Variants in ARID1A observed in about 807,000 individuals in gnomAD.
ARID1A encodes the protein AT-rich interaction domain 1A, also known as AT-rich interactive domain-containing protein 1A.
In ARID1A, 20 loss-of-function variants were observed where a neutral mutation model predicts 212.6. The ratio of observed to expected loss-of-function variants is 0.09; its 90% CI spans 0.07 to 0.14. The LOEUF (loss-of-function observed/expected upper bound fraction) is 0.14. Among genes scored for constraint, ARID1A ranks in the 10% least tolerant of loss-of-function variants. ARID1A has a pLI of 1.00. For synonymous variants in ARID1A, 1,376 were observed against 1,222.1 expected (o/e 1.13, Z -2.63); for missense variants, 2,587 against 3,059.0 (o/e 0.85, Z 3.64).
rs2081009141 is a variant in ARID1A, at chr1:26,763,245, G to A, written c.2692G>A (p.Ala898Thr). The A allele has an allele frequency of 6.2e-7, 1 of 1,612,620 alleles. No individual in the cohort carries two copies. The highest frequency in any genetic ancestry group is 1.1e-5 in the South Asian group (1 of 90,996). ...CATGAACCGGAAAACCCAAGAAACT[G>A]CTGTCGCCATGCATGTTGCTGCCAA... ...GGMNRKTQET[A>T]VAMHVAANSI... Residue 898 changes from alanine (A) to threonine (T), a missense_variant, in exon 8 of 20, where the codon GCT becomes ACT. Ala to Thr is a moderately conservative substitution (Grantham distance 58, BLOSUM62 0). Around this residue, in one of 11 missense-constraint regions of ARID1A, gnomAD observed 674 missense variants for 813.4 expected, o/e 0.83. Transcript: ENST00000324856.
intron 1 of ARID1A, among the ~76,000 whole-genome samples, chr1:26,722,173 G>A (rs2080571471): frequency 6.6e-6 from 1 of 152,196 alleles, no homozygotes; most frequent in South Asian, 2.1e-4. Flanking sequence ...AAAGGGGAAT[G>A]TGTCTGATCT....
intron 7 of ARID1A, 27 bp downstream of exon 7, chr1:26,762,346 G>C (rs767497591): frequency 5.0e-6 from 8 of 1,600,608 alleles, no homozygotes; most frequent in Non-Finnish European, 6.0e-6. Context: ...GTTAGGAGTA[G>C]ATACGGGTGA....
In ARID1A at chr1:26,762,296, A is replaced by G; in HGVS notation, c.2396A>G (p.Gln799Arg). 1 of 1,614,114 alleles carries G rather than the reference A, an allele frequency of 6.2e-7. No homozygotes were observed. Among genetic ancestry groups the G allele is most frequent in the Non-Finnish European group, 8.5e-7 (1 of 1,179,992 alleles). Reference sequence around the variant, plus strand: ...AACTCCATGGGGAGCTATGGTCCCCAGGGGGGTCAGTATGGCCCACAAGGT... The same window carrying G: ...AACTCCATGGGGAGCTATGGTCCCCGGGGGGGTCAGTATGGCCCACAAGGT... ...QQNSMGSYGP[Q>R]GGQYGPQGGY... The change falls in exon 7 of 20, where the codon CAG becomes CGG. Residue 799 changes from glutamine to arginine, a missense_variant. This residue lies in a region of ARID1A where 674 missense variants were observed against 813.4 expected (regional missense o/e 0.83). Coordinates refer to ENST00000324856, the MANE Select transcript of ARID1A (RefSeq NM_006015.6).
chr1:26,710,262 C>T (rs1445382423), intron 1 of ARID1A, among the ~76,000 whole-genome samples: 4 of 150,950 alleles, frequency 2.6e-5, no homozygotes, highest in Non-Finnish European at 4.4e-5. Flanking sequence ...GGTGAAACCC[C>T]GTCTCTATTA....
intron 4 of ARID1A, among the ~76,000 whole-genome samples, chr1:26,758,704 T>C (rs2080963706): frequency 6.6e-6 from 1 of 152,016 alleles, no homozygotes; most frequent in Non-Finnish European, 1.5e-5. Context: ...TAGCTCCAGG[T>C]ACTTTAGTCC....
chr1:26,749,009 CA>C (rs1228994902), intron 4 of ARID1A, among the ~76,000 whole-genome samples: 1 of 151,900 alleles, frequency 6.6e-6, no homozygotes, highest in African/African-American at 2.4e-5. Context: ...CTAAAAAATA[CA>C]AAAAATTAGC....
Position 26,696,447 on chromosome 1 carries a change from A to G in ARID1A, c.44A>G (p.Asn15Ser). ...VAPAAASSLG[N>S]PPPPPPSELK... ...CCCGCCGCCGCCAGCAGCCTGGGCA[A>G]CCCGCCGCCGCCGCCGCCCTCGGAG... Residue 15 changes from asparagine (N) to serine (S), a missense_variant, in exon 1 of 20, where the codon AAC (asparagine) becomes AGC (serine). Transcript: ENST00000324856. 2 of 1,284,542 alleles carry G rather than the reference A, an allele frequency of 1.6e-6. No homozygotes were observed. Among genetic ancestry groups the G allele is most frequent in the Middle Eastern group, 3.0e-4 (1 of 3,340 alleles). 79.6% of individuals were successfully genotyped at this position (1,284,542 alleles called of 1,614,324 possible).
intron 1 of ARID1A, among the ~76,000 whole-genome samples, chr1:26,715,133 C>CT: frequency 6.6e-6 from 1 of 152,218 alleles, no homozygotes; most frequent in Middle Eastern, 3.4e-3. Context: ...AGAAAGAAAA[C>CT]GAGGCTTTGA....
At chr1:26,757,994 A>T (rs1295622544) in intron 4 of ARID1A, among the ~76,000 whole-genome samples, 2 of 152,182 alleles carry the variant, frequency 1.3e-5, no homozygotes, top group African/African-American at 4.8e-5. Context: ...TGATGGATGG[A>T]TCCCTGATTC....
rs374564889 is a variant in ARID1A at position 26,773,690 on chromosome 1, CGCAGCAGCAGCA to C, written c.3990_4001del (p.Gln1331_Gln1334del). 3 of 1,613,216 alleles carry C rather than the reference CGCAGCAGCAGCA, an allele frequency of 1.9e-6. No individual in the cohort carries two copies. Among genetic ancestry groups the C allele is most frequent in the African/African-American group, 1.3e-5 (1 of 74,830 alleles). Reference sequence around the variant, plus strand: ...ATGTATTCTCCTAGCCGCTACCCCCCGCAGCAGCAGCAGCAGCAGCAGCAACGGTGAGTAAAG... The same window carrying C: ...ATGTATTCTCCTAGCCGCTACCCCCCGCAGCAGCAGCAACGGTGAGTAAAG... On this transcript the variant is annotated inframe_deletion, in exon 16 of 20. Coordinates refer to ENST00000324856, the MANE Select transcript of ARID1A (RefSeq NM_006015.6).
At chr1:26,764,124 C>G (rs1285602632) in intron 8 of ARID1A, 1 of 152,104 alleles carries the variant, frequency 6.6e-6, no homozygotes, top group Non-Finnish European at 1.5e-5. Context: ...CACCCGCCAC[C>G]ATGCCCTGCT....
chr1:26,707,524 G>C (rs1557577978), intron 1 of ARID1A, among the ~76,000 whole-genome samples: 1 of 151,700 alleles, frequency 6.6e-6, no homozygotes, highest in Non-Finnish European at 1.5e-5. Context: ...TGTATTTTTA[G>C]TAGAGATGGG....
intron 12 of ARID1A, 68 bp from the exon 13 acceptor site, chr1:26,772,432 G>T: frequency 3.1e-6 from 5 of 1,605,056 alleles, no homozygotes; most frequent in Admixed American, 3.4e-5. Context: ...TGGGTCGTTC[G>T]TGTGTTTGTG....
intron 1 of ARID1A, among the ~76,000 whole-genome samples, chr1:26,697,754 G>A (rs530494995): frequency 6.6e-6 from 1 of 150,712 alleles, no homozygotes; most frequent in East Asian, 2.0e-4. Context: ...TTCCAGAGGT[G>A]TCTGCTCCTC....
At chr1:26,702,037 C>T (rs560017231) in intron 1 of ARID1A, among the ~76,000 whole-genome samples, 37 of 152,242 alleles carry the variant, frequency 2.4e-4, no homozygotes, top group Middle Eastern at 3.4e-3. Context: ...TGTTGATATT[C>T]TGCTGCTTTT....
At chr1:26,762,107 G>T (rs1262938623) in intron 6 of ARID1A, 45 bp from the exon 7 acceptor site, 3 of 1,528,432 alleles carry the variant, frequency 2.0e-6, no homozygotes, top group Non-Finnish European at 2.7e-6. Flanking sequence ...GCATTTGTTC[G>T]CATTGTATAA....
intron 19 of ARID1A, chr1:26,775,944 C>CT (rs1185530546): frequency 7.6e-6 from 5 of 658,966 alleles, no homozygotes; most frequent in Non-Finnish European, 1.4e-5. Flanking sequence ...TTGGGAGACA[C>CT]TTTGTGGTAT....
Position 26,774,723 on chromosome 1 carries a change from A to G in ARID1A, c.4496A>G (p.Gln1499Arg). ...GTTGCTCAGCAAGGCACCATGTGGC[A>G]GGGGCGTAATGACATGACCTATAAT... ...AEVAQQGTMW[Q>R]GRNDMTYNYA... Residue 1499 changes from glutamine to arginine, a missense_variant, in exon 18 of 20, where the codon CAG becomes CGG. Physicochemically the swap from Gln to Arg is conservative, Grantham distance 43. Transcript: ENST00000324856. This position sits in a 1 kb window ranked among gnomAD's most constrained non-coding sequence, Gnocchi z 5.6. The G allele has an allele frequency of 6.2e-7, 1 of 1,614,244 alleles. No homozygotes were observed. The highest frequency in any genetic ancestry group is 8.5e-7 in the Non-Finnish European group (1 of 1,180,038).
intron 1 of ARID1A, among the ~76,000 whole-genome samples, chr1:26,719,363 A>G (rs1301903175): frequency 6.6e-6 from 1 of 152,212 alleles, no homozygotes; most frequent in Non-Finnish European, 1.5e-5. Context: ...TCATTTGGGA[A>G]TCTGAGGTGC....
Sources: allele counts gnomAD v4.1 joint callset (sites outside exome capture counted in the v4.1 genomes callset), GRCh38; gene constraint gnomAD v4.1.1; regional missense constraint gnomAD v4.1.1; non-coding constraint Gnocchi (gnomAD v3.1); transcripts MANE v1.5; gene names NCBI Gene and HGNC (gene_info 2026-07-23, HGNC 2026-07-21).